CLDN16: variants seen among roughly 807,000 people sequenced by gnomAD.
CLDN16 encodes claudin 16.
A neutral mutation model predicts 24.6 loss-of-function variants in CLDN16; 13 were observed. The observed-to-expected ratio is 0.53, with a 90% CI of 0.34 to 0.84. CLDN16 has a LOEUF of 0.84. Ranked by LOEUF, CLDN16 falls within the 40% of genes least tolerant of loss-of-function variation. CLDN16 has a pLI of 0.01. For synonymous variants in CLDN16, 116 were observed against 106.7 expected, an observed-to-expected ratio of 1.09 and a Z score of -0.54; for missense variants, 298 against 292.7, an observed-to-expected ratio of 1.02 and a Z score of -0.13.
At chr3:190,345,035 A>T (rs768490779) in intron 1 of CLDN16, among the ~76,000 whole-genome samples, 5 of 152,188 alleles carry the variant, frequency 3.3e-5, no homozygotes, top group Non-Finnish European at 7.4e-5. Flanking sequence ...TACCAATGTT[A>T]ACACTGAAAT....
At chr3:190,327,334 A>G (rs769585995) in intron 1 of CLDN16, among the ~76,000 whole-genome samples, 1 of 152,224 alleles carries the variant, frequency 6.6e-6, no homozygotes, top group Non-Finnish European at 1.5e-5. Flanking sequence ...AATCACAACT[A>G]AAGAATACAG....
chr3:190,345,369 C>G (rs1717528363), intron 1 of CLDN16, among the ~76,000 whole-genome samples: 1 of 152,150 alleles, frequency 6.6e-6, no homozygotes, highest in Non-Finnish European at 1.5e-5. Flanking sequence ...GACTTCTCCT[C>G]CCTTAGTTAC....
upstream of CLDN16, among the ~76,000 whole-genome samples, chr3:190,384,941 A>G (rs549415421): frequency 2.0e-5 from 3 of 152,288 alleles, no homozygotes; most frequent in Admixed American, 6.5e-5. Context: ...AAAACACATC[A>G]TATTTCTAAC....
chr3:190,320,492 A>C (rs1449723494), upstream of CLDN16, among the ~76,000 whole-genome samples: 1 of 152,224 alleles, frequency 6.6e-6, no homozygotes, highest in Admixed American at 6.5e-5. Flanking sequence ...ACACATAATT[A>C]CTAAACTTAT....
At chr3:190,306,259 A>T in the CLDN16 span, 1 of 152,236 alleles carries the variant, frequency 6.6e-6, no homozygotes, top group Non-Finnish European at 1.5e-5. Context: ...GTTTAGCCAC[A>T]GAAAGCATCG....
intron 1 of CLDN16, among the ~76,000 whole-genome samples, chr3:190,397,541 G>C (rs879613588): frequency 1.3e-5 from 2 of 152,094 alleles, no homozygotes; most frequent in African/African-American, 2.4e-5. Flanking sequence ...TTACAACAGA[G>C]GAATAAGTAA....
intron 1 of CLDN16, among the ~76,000 whole-genome samples, chr3:190,346,000 T>C (rs1577403629): frequency 6.6e-6 from 1 of 152,088 alleles, no homozygotes; most frequent in East Asian, 1.9e-4. Context: ...AACCAGTCCT[T>C]TTAGGTCTTA....
At chr3:190,329,223 G>A (rs564860354) in intron 1 of CLDN16, among the ~76,000 whole-genome samples, 2 of 152,218 alleles carry the variant, frequency 1.3e-5, no homozygotes, top group African/African-American at 2.4e-5. Context: ...TGTCAAAGGC[G>A]GGACATTGCA....
In CLDN16 at chr3:190,388,280, C is replaced by T. The variant is rs1006196806; in HGVS notation, c.-50C>T. ...ACTGACACCCGCCACTTAAGTGGGG[C>T]CAGGGCTGGTGTCTGCCCATGTTGC... On this transcript the variant is annotated 5_prime_UTR_variant, in exon 1 of 5. Coordinates refer to ENST00000264734, the MANE Select transcript of CLDN16 (RefSeq NM_006580.4). 4.4e-6 allele frequency: 7 copies of T among 1,606,132 alleles called. No individual in the cohort carries two copies. The highest frequency in any genetic ancestry group is 4.3e-6 in the Non-Finnish European group (5 of 1,174,934).
rs145907053 is a variant in CLDN16, at chr3:190,398,228, C to A, written c.115-4109C>A. 2.5e-3 allele frequency among the ~76,000 whole-genome samples: 377 copies of A among 152,314 alleles called. 2 individuals carry two copies. The highest frequency in any genetic ancestry group is 9.3e-3 in the Admixed American group (143 of 15,296). On this transcript the variant is annotated intron_variant, in intron 1 of 4. Transcript: ENST00000264734. ...TACTAATTTCCTATAGTTGCCGTAA[C>A]AAATGACCATAAACTCGGTGGCTTA... is the stretch of plus-strand genomic sequence containing the variant.
At chr3:190,345,251 C>A (rs2108631957) in intron 1 of CLDN16, among the ~76,000 whole-genome samples, 1 of 152,170 alleles carries the variant, frequency 6.6e-6, no homozygotes, top group South Asian at 2.1e-4. Context: ...TGGATACTAC[C>A]AGATAAAAGG....
At chr3:190,323,842 G>T (rs1010739827) in intron 1 of CLDN16, among the ~76,000 whole-genome samples, 2 of 152,198 alleles carry the variant, frequency 1.3e-5, no homozygotes, top group African/African-American at 4.8e-5. Context: ...AATGAAGAAT[G>T]TAAGACAGGA....
chr3:190,327,535 G>A (rs1717094474), intron 1 of CLDN16, among the ~76,000 whole-genome samples: 1 of 152,188 alleles, frequency 6.6e-6, no homozygotes, highest in Non-Finnish European at 1.5e-5. Flanking sequence ...GAAAAGTGAG[G>A]TGTGAAAAAG....
the CLDN16 span, among the ~76,000 whole-genome samples, chr3:190,296,695 G>T: frequency 6.6e-6 from 1 of 151,816 alleles, no homozygotes; most frequent in South Asian, 2.1e-4. Context: ...AACTACAGGC[G>T]ACTGCCACCA....
chr3:190,327,681 C>T (rs766777524), intron 1 of CLDN16, among the ~76,000 whole-genome samples: 7 of 152,176 alleles, frequency 4.6e-5, no homozygotes, highest in Admixed American at 2.6e-4. Flanking sequence ...TCAGTTACCT[C>T]CTTTGTATCT....
intron 1 of CLDN16, among the ~76,000 whole-genome samples, chr3:190,334,176 A>C (rs1244953911): frequency 6.6e-6 from 1 of 152,196 alleles, no homozygotes; most frequent in Non-Finnish European, 1.5e-5. Flanking sequence ...CTTGTAGCAA[A>C]CTGGAGTACA....
At chr3:190,292,452 T>C in the CLDN16 span, among the ~76,000 whole-genome samples, 1 of 152,204 alleles carries the variant, frequency 6.6e-6, no homozygotes, top group African/African-American at 2.4e-5. Flanking sequence ...CTCCTAGGTC[T>C]CTGGGCCTAT....
chr3:190,302,077 C>T, the CLDN16 span, among the ~76,000 whole-genome samples: 1 of 152,158 alleles, frequency 6.6e-6, no homozygotes, highest in Non-Finnish European at 1.5e-5. Context: ...GGCCCCTTTG[C>T]TCTTTTCTGA....
At chr3:190,355,789 G>A (rs1717756611) in intron 1 of CLDN16, among the ~76,000 whole-genome samples, 1 of 151,748 alleles carries the variant, frequency 6.6e-6, no homozygotes, top group Non-Finnish European at 1.5e-5. Flanking sequence ...AAGAAAAATA[G>A]CAATATAATT....
Sources: allele counts gnomAD v4.1 joint callset (sites outside exome capture counted in the v4.1 genomes callset), GRCh38; gene constraint gnomAD v4.1.1; transcripts MANE v1.5; gene names NCBI Gene and HGNC (gene_info 2026-07-23, HGNC 2026-07-21).